ADORA2A: variants seen among roughly 807,000 people sequenced by gnomAD.
The protein encoded by ADORA2A is adenosine receptor A2a.
Under a neutral mutation model 18.4 loss-of-function variants are expected in ADORA2A, and 11 were observed. The ratio of observed to expected loss-of-function variants is 0.60; its 90% confidence interval spans 0.38 to 0.99. The LOEUF (loss-of-function observed/expected upper bound fraction) is 0.99, where lower values mean the gene tolerates loss of function less well. Among genes scored for constraint, ADORA2A ranks in the 50% least tolerant of loss-of-function variants. ADORA2A has a pLI of 0.01. For synonymous variants in ADORA2A, 218 were observed against 237.3 expected, an observed-to-expected ratio of 0.92 and a Z score of 0.75; for missense variants, 449 against 556.1, an observed-to-expected ratio of 0.81 and a Z score of 1.94.
At chr22:24,438,006 T>TGGCCCAG (rs2043221696) in intron 2 of ADORA2A, among the ~76,000 whole-genome samples, 1 of 152,270 alleles carries the variant, frequency 6.6e-6, no homozygotes, top group Admixed American at 6.5e-5. Flanking sequence ...GCAAAGCAGG[T>TGGCCCAG]GGCCCAGGGC....
chr22:24,438,949 C>T (rs2043252477), intron 2 of ADORA2A, among the ~76,000 whole-genome samples: 4 of 152,002 alleles, frequency 2.6e-5, no homozygotes, highest in Admixed American at 6.6e-5. Flanking sequence ...ACCAGGTAAA[C>T]GCCCCACCAG....
At position 24,431,535 on chromosome 22, in the gene ADORA2A, T is replaced by C. The variant is rs769508421; in HGVS notation, c.-274-1596T>C. 9 of 456,522 alleles carry C rather than the reference T, an allele frequency of 2.0e-5. 1 individual carries two copies. The highest frequency in any genetic ancestry group is 1.4e-4 in the South Asian group (9 of 64,554). The allele number at this position is 456,522 out of a possible 1,614,324, so 28.3% of individuals were successfully genotyped here. ...GACCAGGAGTGACTTCCTCTCCAGG[T>C]TGCCAGTCCTGCTCCATCCCTCATG... On this transcript the variant is annotated intron_variant, in intron 1 of 2. Coordinates refer to ENST00000337539, the MANE Select transcript of ADORA2A (RefSeq NM_000675.6).
At chr22:24,432,752 C>T (rs2043072906) in intron 1 of ADORA2A, 1 of 154,850 alleles carries the variant, frequency 6.5e-6, no homozygotes. Flanking sequence ...GGCAGGGGCC[C>T]AGCTAGGGCA....
intron 1 of ADORA2A, chr22:24,429,678 C>T (rs559743370): frequency 7.3e-4 from 111 of 152,458 alleles, no homozygotes; most frequent in Middle Eastern, 6.8e-3. Flanking sequence ...CTTGGTGAGG[C>T]TGAGAGAGGT....
chr22:24,430,614 G>A (rs111373256), intron 1 of ADORA2A, among the ~76,000 whole-genome samples: 136 of 152,354 alleles, frequency 8.9e-4, no homozygotes, highest in African/African-American at 3.0e-3. Flanking sequence ...TGAGGCAGGC[G>A]CCGATGATTT....
At chr22:24,437,297 G>C (rs548874805) in intron 2 of ADORA2A, among the ~76,000 whole-genome samples, 1 of 152,228 alleles carries the variant, frequency 6.6e-6, no homozygotes, top group Admixed American at 6.5e-5. Flanking sequence ...CAGAGTGGTG[G>C]TGTGTCACGC....
chr22:24,424,781 G>A (rs2042899515), upstream of ADORA2A, among the ~76,000 whole-genome samples: 1 of 152,148 alleles, frequency 6.6e-6, no homozygotes, highest in African/African-American at 2.4e-5. The surrounding 1 kb of genome is among the most constrained non-coding windows in gnomAD (Gnocchi z 4.9). Flanking sequence ...CGGGAATGGT[G>A]GCGGCTCTCG....
At chr22:24,433,076 C>T (rs530520587) in intron 1 of ADORA2A, 55 bp from the exon 2 acceptor site, 7 of 432,224 alleles carry the variant, frequency 1.6e-5, no homozygotes, top group East Asian at 4.3e-5. Context: ...TGGCACTTTC[C>T]GCAGGGCTCG....
Position 24,441,504 on chromosome 22 carries a change from T to C in ADORA2A, c.*15T>C. 6.7e-7 allele frequency: 1 copy of C among 1,490,508 alleles called. No homozygotes were observed. The highest frequency in any genetic ancestry group is 8.9e-7 in the Non-Finnish European group (1 of 1,120,684). The allele number at this position is 1,490,508 out of a possible 1,614,324, so 92.3% of individuals were successfully genotyped here. On this transcript the variant is annotated 3_prime_UTR_variant, in exon 3 of 3. Coordinates refer to ENST00000337539, the MANE Select transcript of ADORA2A (RefSeq NM_000675.6). ...GAGTGTCCTGATGATTCATGGAGTT[T>C]GCCCCTTCCTAAGGGAAGGAGATCT...
intron 2 of ADORA2A, among the ~76,000 whole-genome samples, chr22:24,437,871 T>A (rs943031779): frequency 6.6e-6 from 1 of 152,268 alleles, no homozygotes; most frequent in Admixed American, 6.5e-5. Context: ...GGCTCTGGTG[T>A]CCCCACCAAT....
intron 2 of ADORA2A, 86 bp from the exon 3 acceptor site, chr22:24,440,497 A>C: frequency 7.4e-7 from 1 of 1,342,854 alleles, no homozygotes; most frequent in Non-Finnish European, 1.0e-6. Context: ...GGAAATGTGG[A>C]AACGGGTGCT....
chr22:24,429,666 C>T (rs1195252128), intron 1 of ADORA2A: 1 of 152,312 alleles, frequency 6.6e-6, no homozygotes, highest in Non-Finnish European at 1.5e-5. Flanking sequence ...CCTTCCAGTG[C>T]TCTTGGTGAG....
In ADORA2A at chr22:24,441,454, G is replaced by T. The variant is rs200558544; in HGVS notation, c.1204G>T (p.Asp402Tyr). 3.9e-6 allele frequency: 6 copies of T among 1,519,640 alleles called. No homozygotes were observed. The highest frequency in any genetic ancestry group is 4.4e-6 in the Non-Finnish European group (5 of 1,135,990). 94.1% of individuals were successfully genotyped at this position (1,519,640 alleles called of 1,614,324 possible). The change falls in exon 3 of 3, where the codon GAC becomes TAC. Residue 402 changes from aspartate to tyrosine, a missense_variant. Transcript: ENST00000337539. ...GVCPEPPGLD[D>Y]PLAQDGAGVS Reference sequence around the variant, plus strand: ...GTGCCCAGAGCCCCCTGGCCTAGATGACCCCCTGGCCCAGGATGGAGCAGG... The same window carrying T: ...GTGCCCAGAGCCCCCTGGCCTAGATTACCCCCTGGCCCAGGATGGAGCAGG...
intron 1 of ADORA2A, chr22:24,429,984 AG>A: frequency 6.6e-6 from 1 of 152,416 alleles, no homozygotes; most frequent in East Asian, 1.9e-4. Context: ...CACAGAAATC[AG>A]GCAAAGCCTG....
At chr22:24,436,283 C>T (rs1057299832) in intron 2 of ADORA2A, among the ~76,000 whole-genome samples, 1 of 152,162 alleles carries the variant, frequency 6.6e-6, no homozygotes, top group Non-Finnish European at 1.5e-5. Context: ...CAGGATCCTC[C>T]CTCCTCCTTT....
In ADORA2A at chr22:24,434,143, G is replaced by C. The variant is rs183832685; in HGVS notation, c.332+407G>C. Among the ~76,000 whole-genome samples, 284 of 152,342 alleles carry C rather than the reference G, an allele frequency of 1.9e-3. 1 individual carries two copies. Among genetic ancestry groups the C allele is most frequent in the African/African-American group, 6.4e-3 (268 of 41,572 alleles). ...AAGCAAAACTTCCCGGATGATGCTGGGGTGGAGTGGGGAGCCAGGGGAAAC... is the reference window on the plus strand; with the variant it reads ...AAGCAAAACTTCCCGGATGATGCTGCGGTGGAGTGGGGAGCCAGGGGAAAC... On this transcript the variant is annotated intron_variant, in intron 2 of 2. Transcript: ENST00000337539.
intron 1 of ADORA2A, chr22:24,431,365 T>C (rs1415945993): frequency 1.1e-5 from 5 of 456,588 alleles, no homozygotes; most frequent in Non-Finnish European, 2.2e-5. Context: ...GTCCCAGGTA[T>C]GGCTGCAGCC....
intron 2 of ADORA2A, among the ~76,000 whole-genome samples, chr22:24,436,097 A>G (rs776994228): frequency 6.6e-6 from 1 of 152,134 alleles, no homozygotes; most frequent in Non-Finnish European, 1.5e-5. Context: ...CCTGATGTGG[A>G]TGGACTCCAG....
upstream of ADORA2A, among the ~76,000 whole-genome samples, chr22:24,426,092 A>C (rs547992399): frequency 7.2e-5 from 11 of 152,332 alleles, no homozygotes; most frequent in East Asian, 3.9e-4. Flanking sequence ...ACTTGAGAGC[A>C]TCACGTCCTG....
Sources: allele counts gnomAD v4.1 joint callset (sites outside exome capture counted in the v4.1 genomes callset), GRCh38; gene constraint gnomAD v4.1.1; non-coding constraint Gnocchi (gnomAD v3.1); transcripts MANE v1.5; gene names NCBI Gene and HGNC (gene_info 2026-07-23, HGNC 2026-07-21).